Variants in KCNQ5 observed in about 807,000 individuals in gnomAD.
KCNQ5 encodes potassium voltage-gated channel subfamily KQT member 5.
A neutral mutation model predicts 98.2 loss-of-function variants in KCNQ5; 30 were observed. The ratio of observed to expected loss-of-function variants is 0.31; its 90% CI spans 0.23 to 0.41. KCNQ5 has a LOEUF of 0.41. Ranked by LOEUF, KCNQ5 falls within the 10% of genes least tolerant of loss-of-function variation. The pLI is 1.00. For missense variants in KCNQ5, 835 were observed against 1,182.5 expected (o/e 0.71, Z 4.31); for synonymous variants, 458 against 449.4 (o/e 1.02, Z -0.24).
chr6:73,190,933 AAGTT>A (rs1350601619), intron 12 of KCNQ5, among the ~76,000 whole-genome samples: 2 of 152,220 alleles, frequency 1.3e-5, no homozygotes, highest in African/African-American at 2.4e-5. Flanking sequence ...AATGGGAAGA[AAGTT>A]AGTTCTTGCC....
rs766992339 is a variant in KCNQ5 at position 73,194,746 on chromosome 6, A to C, written c.2131A>C (p.Ser711Arg). Residue 711 changes from serine to arginine, a missense_variant, in exon 14 of 14, where the codon AGT becomes CGT. Around this residue, in one of 10 missense-constraint regions of KCNQ5, gnomAD observed 416 missense variants for 446.9 expected, o/e 0.93. Coordinates refer to ENST00000370398, the MANE Select transcript of KCNQ5 (RefSeq NM_019842.4). Reference protein sequence around the residue: ...TFYALSPTMHSQATQVPISQS... With the variant: ...TFYALSPTMHRQATQVPISQS... ...CTACGCGCTTAGCCCTACTATGCAC[A>C]GTCAAGCAACACAGGTGCCAATTAG... 10 of 1,614,268 alleles carry C rather than the reference A, an allele frequency of 6.2e-6. No homozygotes were observed. The highest frequency in any genetic ancestry group is 3.3e-4 in the Middle Eastern group (2 of 6,062).
intron 2 of KCNQ5, among the ~76,000 whole-genome samples, chr6:73,012,872 A>C (rs1770147795): frequency 6.6e-6 from 1 of 151,852 alleles, no homozygotes; most frequent in African/African-American, 2.4e-5. Context: ...CTCAAAAAAA[A>C]AGTGGTTAAT....
rs114700921 is a variant in KCNQ5 at position 73,106,475 on chromosome 6, T to A, written c.1029+1108T>A. 6.8e-3 allele frequency among the ~76,000 whole-genome samples: 1,034 copies of A among 152,316 alleles called. 7 individuals carry two copies. Among genetic ancestry groups the A allele is most frequent in the African/African-American group, 0.023 (972 of 41,568 alleles). On this transcript the variant is annotated intron_variant, in intron 6 of 13. Coordinates refer to ENST00000370398, the MANE Select transcript of KCNQ5 (RefSeq NM_019842.4). Reference sequence around the variant, plus strand: ...GGTATTGTCTCACAGTTCCCAAGACTGGACGTCCAAAATCAAAGCATTGAG... The same window carrying A: ...GGTATTGTCTCACAGTTCCCAAGACAGGACGTCCAAAATCAAAGCATTGAG...
intron 1 of KCNQ5, among the ~76,000 whole-genome samples, chr6:72,978,796 T>C (rs1474173227): frequency 6.6e-6 from 1 of 152,218 alleles, no homozygotes; most frequent in Non-Finnish European, 1.5e-5. Flanking sequence ...TCATTTACAT[T>C]ACATATTTCT....
At position 72,933,695 on chromosome 6, in the gene KCNQ5, C is replaced by G. The variant is rs74712060; in HGVS notation, c.399-70213C>G. On this transcript the variant is annotated intron_variant, in intron 1 of 13. Transcript: ENST00000370398. ...TGCTGCAAAAATACAATGTATAAAT[C>G]AATTGCATTTCTTTGACTTATAAAT... is the stretch of plus-strand genomic sequence containing the variant. Among the ~76,000 whole-genome samples, 780 of 152,228 alleles carry G rather than the reference C, an allele frequency of 5.1e-3. 8 individuals carry two copies. Among genetic ancestry groups the G allele is most frequent in the African/African-American group, 0.018 (748 of 41,558 alleles).
intron 2 of KCNQ5, among the ~76,000 whole-genome samples, chr6:73,009,911 G>C (rs140638568): frequency 8.1e-4 from 123 of 152,186 alleles, no homozygotes; most frequent in African/African-American, 2.9e-3. Flanking sequence ...AAGAAGCCCA[G>C]GATCTGATGG....
chr6:72,790,275 T>A (rs956168187), intron 1 of KCNQ5, among the ~76,000 whole-genome samples: 61 of 152,268 alleles, frequency 4.0e-4, no homozygotes, highest in Middle Eastern at 3.4e-3. Flanking sequence ...ATAAGGCCAC[T>A]AAAGCCCAGA....
chr6:73,134,615 T>C (rs1776389751), intron 10 of KCNQ5, among the ~76,000 whole-genome samples: 1 of 152,228 alleles, frequency 6.6e-6, no homozygotes, highest in Admixed American at 6.5e-5. Context: ...CAGGGATATC[T>C]CTTCCACGCT....
intron 3 of KCNQ5, among the ~76,000 whole-genome samples, chr6:73,052,873 G>C (rs144674002): frequency 9.2e-5 from 14 of 152,230 alleles, no homozygotes; most frequent in Middle Eastern, 6.8e-3. Context: ...AACAGGATTT[G>C]ATCCTTCAAA....
intron 1 of KCNQ5, among the ~76,000 whole-genome samples, chr6:72,833,006 T>A (rs1316084495): frequency 6.6e-6 from 1 of 152,224 alleles, no homozygotes; most frequent in Non-Finnish European, 1.5e-5. Flanking sequence ...TGTGTTGTGC[T>A]TGTACTTCAT....
chr6:72,763,252 T>C (rs1038972500), intron 1 of KCNQ5, among the ~76,000 whole-genome samples: 4 of 152,058 alleles, frequency 2.6e-5, no homozygotes, highest in African/African-American at 9.7e-5. Flanking sequence ...ATTAATTATT[T>C]TTTAAACAGG....
intron 1 of KCNQ5, chr6:72,630,712 A>T (rs935298641): frequency 3.9e-5 from 6 of 152,228 alleles, no homozygotes; most frequent in African/African-American, 1.4e-4. Flanking sequence ...TAATATATAC[A>T]TATTAACAGT....
chr6:72,817,300 T>C (rs533571021), intron 1 of KCNQ5, among the ~76,000 whole-genome samples: 104 of 152,328 alleles, frequency 6.8e-4, no homozygotes, highest in African/African-American at 2.4e-3. Context: ...TTTATCCTAG[T>C]TCAACAATGA....
chr6:73,134,172 C>T (rs1776363710), intron 10 of KCNQ5: 3 of 274,486 alleles, frequency 1.1e-5, no homozygotes, highest in Non-Finnish European at 2.2e-5. Context: ...ATTTCGAAGT[C>T]TTCCAATGAT....
At chr6:72,984,199 TC>T (rs1768626095) in intron 1 of KCNQ5, among the ~76,000 whole-genome samples, 1 of 152,190 alleles carries the variant, frequency 6.6e-6, no homozygotes, top group African/African-American at 2.4e-5. Flanking sequence ...GTGTCCATTC[TC>T]AGATCTCGAA....
chr6:72,789,005 A>G (rs750364718), intron 1 of KCNQ5, among the ~76,000 whole-genome samples: 1 of 152,224 alleles, frequency 6.6e-6, no homozygotes, highest in Non-Finnish European at 1.5e-5. Flanking sequence ...ACCTTTAAAT[A>G]CCAATGCCAA....
intron 1 of KCNQ5, among the ~76,000 whole-genome samples, chr6:72,709,732 T>C (rs184750821): frequency 7.9e-5 from 12 of 152,318 alleles, no homozygotes; most frequent in African/African-American, 2.6e-4. Flanking sequence ...ACAGACATTC[T>C]TCCTGTACTA....
intron 1 of KCNQ5, among the ~76,000 whole-genome samples, chr6:72,955,991 G>A (rs1044065481): frequency 1.3e-5 from 2 of 151,992 alleles, no homozygotes; most frequent in South Asian, 2.1e-4. Flanking sequence ...AAATATCCCA[G>A]GTACTAAATC....
At chr6:72,845,554 A>G (rs1024337775) in intron 1 of KCNQ5, among the ~76,000 whole-genome samples, 8 of 152,202 alleles carry the variant, frequency 5.3e-5, no homozygotes, top group African/African-American at 1.9e-4. Flanking sequence ...TCAGATGAAA[A>G]CATCAGTTGC....
Sources: allele counts gnomAD v4.1 joint callset (sites outside exome capture counted in the v4.1 genomes callset), GRCh38; gene constraint gnomAD v4.1.1; regional missense constraint gnomAD v4.1.1; transcripts MANE v1.5; gene names NCBI Gene and HGNC (gene_info 2026-07-23, HGNC 2026-07-21).